FLVCR2: variants seen among roughly 807,000 people sequenced by gnomAD.
The protein encoded by FLVCR2 is FLVCR choline and putative heme transporter 2.
In FLVCR2, 38 loss-of-function variants were observed where a neutral mutation model predicts 48.9. That is an observed-to-expected ratio of 0.78 (90% CI 0.60 to 1.02). FLVCR2 has a LOEUF of 1.02. Ranked by LOEUF, FLVCR2 falls within the 50% of genes least tolerant of loss-of-function variation. FLVCR2 has a pLI of 0.00. For synonymous variants in FLVCR2, 255 were observed against 257.0 expected (o/e 0.99, Z 0.07); for missense variants, 664 against 663.3 (o/e 1.00, Z -0.01).
At chr14:75,630,834 C>G (rs1890022950) in intron 3 of FLVCR2, among the ~76,000 whole-genome samples, 3 of 152,140 alleles carry the variant, frequency 2.0e-5, no homozygotes, top group African/African-American at 4.8e-5. Context: ...ATGACCAGGC[C>G]TTTCAGGGAA....
intron 9 of FLVCR2, among the ~76,000 whole-genome samples, chr14:75,645,474 T>C (rs1198600336): frequency 6.6e-6 from 1 of 152,170 alleles, no homozygotes; most frequent in East Asian, 1.9e-4. Context: ...TTCCAGGCCA[T>C]GTTGAATTCC....
intron 1 of FLVCR2, among the ~76,000 whole-genome samples, chr14:75,611,760 A>AC (rs1296316179): frequency 6.6e-6 from 1 of 152,120 alleles, no homozygotes; most frequent in African/African-American, 2.4e-5. Flanking sequence ...AAACAAACAA[A>AC]AAAACCCACA....
At chr14:75,611,879 G>C (rs1190258776) in intron 1 of FLVCR2, among the ~76,000 whole-genome samples, 1 of 152,196 alleles carries the variant, frequency 6.6e-6, no homozygotes, top group Non-Finnish European at 1.5e-5. Flanking sequence ...ACACATAGCA[G>C]ACACTCAGTA....
chr14:75,603,536 T>G (rs912147558), intron 1 of FLVCR2, among the ~76,000 whole-genome samples: 1 of 152,192 alleles, frequency 6.6e-6, no homozygotes, highest in African/African-American at 2.4e-5. Context: ...CATCTTTCAA[T>G]TCGTTTGTGC....
intron 5 of FLVCR2, among the ~76,000 whole-genome samples, chr14:75,638,068 A>G (rs1268332676): frequency 6.6e-6 from 1 of 152,184 alleles, no homozygotes; most frequent in Non-Finnish European, 1.5e-5. Context: ...GAAGTCAAGC[A>G]CTCAGTTCAG....
In FLVCR2 at chr14:75,622,179, T is replaced by C. The variant is rs777778310; in HGVS notation, c.770T>C (p.Ile257Thr). 8.1e-6 allele frequency: 13 copies of C among 1,613,700 alleles called. No homozygotes were observed. In the Admixed American group the frequency reaches 1.3e-4, roughly 17 times the overall value. Residue 257 changes from isoleucine (I) to threonine (T), a missense_variant, in exon 2 of 10, where the codon ATA becomes ACA. Physicochemically the swap from Ile to Thr is moderately conservative, Grantham distance 89. Transcript: ENST00000238667. ...CACATCAGCATCATGTTCTATATAA[T>C]AGGAGGTGTGGCCACTCTCCTCCTC... Reference protein sequence around the residue: ...AYHISIMFYIIGGVATLLLIL... With the variant: ...AYHISIMFYITGGVATLLLIL...
rs570162062 is a variant in FLVCR2, at chr14:75,639,258, G to A, written c.1125-94G>A. On this transcript the variant is annotated intron_variant, in intron 5 of 9. Coordinates refer to ENST00000238667, the MANE Select transcript of FLVCR2 (RefSeq NM_017791.3). ...GAACATAGCAGAGGGCTTGACATGC[G>A]GCAGATACTTAATAGATGCTTGTGG... The A allele has an allele frequency of 2.8e-4, 232 of 824,784 alleles. 1 individual carries two copies. Among genetic ancestry groups the A allele is most frequent in the Admixed American group, 1.7e-3 (86 of 51,134 alleles). 51.1% of individuals were successfully genotyped at this position (824,784 alleles called of 1,614,324 possible). A position where few individuals can be genotyped will look rare whatever the true frequency, so the allele number is the denominator to read the frequency against.
chr14:75,614,510 T>C (rs1213953234), intron 1 of FLVCR2, among the ~76,000 whole-genome samples: 1 of 152,186 alleles, frequency 6.6e-6, no homozygotes, highest in Admixed American at 6.5e-5. Flanking sequence ...TGATGGGCTC[T>C]GAAAGATTAA....
intron 3 of FLVCR2, chr14:75,631,676 G>C: frequency 2.3e-6 from 1 of 440,078 alleles, no homozygotes; most frequent in Non-Finnish European, 4.6e-6. Context: ...GGGCAGGCAA[G>C]AGGCTTAGAG....
At chr14:75,616,311 G>A (rs528168419) in intron 1 of FLVCR2, among the ~76,000 whole-genome samples, 1 of 151,290 alleles carries the variant, frequency 6.6e-6, no homozygotes, top group Admixed American at 6.6e-5. Context: ...TGGCGACAGA[G>A]TGAGACTCTG....
rs527920198 is a variant in FLVCR2, at chr14:75,645,576, A to G, written c.1510-825A>G. Among the ~76,000 whole-genome samples, 6 of 152,324 alleles carry G rather than the reference A, an allele frequency of 3.9e-5. No homozygotes were observed. The East Asian group carries it at 7.7e-4, about 20-fold the overall frequency. On this transcript the variant is annotated intron_variant, in intron 9 of 9. Coordinates refer to ENST00000238667, the MANE Select transcript of FLVCR2 (RefSeq NM_017791.3). ...AGAAAGCTAAAGCCATTGAGCTTAC[A>G]TATGCAATTATGCATGCTGCTTTGG...
intron 1 of FLVCR2, chr14:75,604,038 G>C (rs1289507240): frequency 6.6e-6 from 1 of 152,238 alleles, no homozygotes; most frequent in Non-Finnish European, 1.5e-5. Context: ...GAGTTCAGGT[G>C]GTTGGAGGAG....
intron 3 of FLVCR2, among the ~76,000 whole-genome samples, chr14:75,629,066 TGCCCAGAACTGA>T (rs1321659906): frequency 6.6e-6 from 1 of 152,172 alleles, no homozygotes; most frequent in African/African-American, 2.4e-5. Flanking sequence ...ATGAGTCAAC[TGCCCAGAACTGA>T]GGTGCAGCGA....
chr14:75,636,983 G>C (rs1156824785), intron 5 of FLVCR2, among the ~76,000 whole-genome samples: 4 of 152,198 alleles, frequency 2.6e-5, no homozygotes, highest in Non-Finnish European at 5.9e-5. Context: ...GTGTGAGGGA[G>C]GAGCGTGAAG....
Position 75,624,854 on chromosome 14 carries a change from T to G in FLVCR2, c.952+102T>G, listed in dbSNP as rs117232115. Reference sequence around the variant, plus strand: ...ACTCTTTCTAAATCCCAAATGTGCATGTAAAGCTGTTGTCTAGGGTCAATC... The same window carrying G: ...ACTCTTTCTAAATCCCAAATGTGCAGGTAAAGCTGTTGTCTAGGGTCAATC... On this transcript the variant is annotated intron_variant, in intron 3 of 9. Transcript: ENST00000238667. The G allele has an allele frequency of 0.063, 90,292 of 1,425,236 alleles. 3,166 individuals are homozygous for G. The highest frequency in any genetic ancestry group is 0.071 in the Non-Finnish European group (72,681 of 1,023,148). The allele number at this position is 1,425,236 out of a possible 1,614,324, so 88.3% of individuals were successfully genotyped here. A position where few individuals can be genotyped will look rare whatever the true frequency, so the allele number is the denominator to read the frequency against.
At chr14:75,607,993 C>G (rs1033773084) in intron 1 of FLVCR2, among the ~76,000 whole-genome samples, 1 of 152,108 alleles carries the variant, frequency 6.6e-6, no homozygotes, top group East Asian at 1.9e-4. Context: ...TCACTTGAGC[C>G]CAGGAGTTTG....
intron 1 of FLVCR2, among the ~76,000 whole-genome samples, chr14:75,597,279 C>CAA (rs751154954): frequency 2.8e-4 from 30 of 106,768 alleles, no homozygotes; most frequent in African/African-American, 7.4e-4. Context: ...AGACCCATCT[C>CAA]AAAAAAAAAA....
intron 6 of FLVCR2, among the ~76,000 whole-genome samples, chr14:75,639,710 T>G (rs1890261540): frequency 6.6e-6 from 1 of 152,188 alleles, no homozygotes; most frequent in African/African-American, 2.4e-5. Context: ...TAGAACCTGT[T>G]CAGAGTCTTT....
At position 75,639,451 on chromosome 14, in the gene FLVCR2, T is replaced by G; in HGVS notation, c.1224T>G (p.Ala408=). The G allele has an allele frequency of 6.2e-7, 1 of 1,608,736 alleles. No homozygotes were observed. Among genetic ancestry groups the G allele is most frequent in the South Asian group, 1.1e-5 (1 of 90,998 alleles). The change falls in exon 6 of 10, where the codon GCT becomes GCG. Residue 408 remains alanine (A), a synonymous_variant. Transcript: ENST00000238667. The part of the protein sequence containing the change: ...LGHLWVVFIT[A]GTMGFFMTGY... ...ACCTGTGGGTAGTGTTCATCACTGC[T>G]GGCACAATGGGGTAAGTTTCACCTC...
Sources: gnomAD v4.1 joint callset for allele counts (sites outside exome capture counted in the v4.1 genomes callset) on GRCh38, gnomAD v4.1.1 for gene constraint, MANE v1.5 for transcripts, NCBI Gene and HGNC (gene_info 2026-07-23, HGNC 2026-07-21) for gene names.